GOLGA3: variants seen among roughly 807,000 people sequenced by gnomAD.
The protein encoded by GOLGA3 is golgin A3, also known as golgin subfamily A member 3.
In GOLGA3, 75 loss-of-function variants were observed where a neutral mutation model predicts 169.4. That is an observed-to-expected ratio of 0.44 (90% CI 0.37 to 0.54). The LOEUF (loss-of-function observed/expected upper bound fraction) is 0.54, where lower values mean the gene tolerates loss of function less well. Among genes scored for constraint, GOLGA3 ranks in the 20% least tolerant of loss-of-function variants. The probability of loss-of-function intolerance (pLI) is 0.00; values close to 1 mark genes in which losing one functional copy is unlikely to be tolerated. For missense variants in GOLGA3, 1,899 were observed against 1,930.0 expected, an observed-to-expected ratio of 0.98 and a Z score of 0.30; for synonymous variants, 824 against 822.4, an observed-to-expected ratio of 1.00 and a Z score of -0.03.
At chr12:132,787,694 TCCCCGGAGACCCC>T (rs2045983324) in intron 13 of GOLGA3, among the ~76,000 whole-genome samples, 2 of 28,452 alleles carry the variant, frequency 7.0e-5, no homozygotes, top group African/African-American at 1.8e-4. Flanking sequence ...CCGGGACCCC[TCCCCGGAGACCCC>T]GGGACCCCTC....
Position 132,807,245 on chromosome 12 carries a change from G to A in GOLGA3, c.1222C>T (p.Leu408=). ...SSAAETQEEM[L]QVLKEKMRLE... ...CGCATTTTCTCTTTGAGCACCTGCA[G>A]CATCTCCTCCTGTGTTTCTGCTGCA... is the stretch of plus-strand genomic sequence containing the variant. Residue 408 remains leucine, a synonymous_variant, in exon 6 of 24, where the codon CTG becomes TTG. Transcript: ENST00000450791. 6.3e-7 allele frequency: 1 copy of A among 1,599,376 alleles called. No homozygotes were observed.
In GOLGA3 at chr12:132,784,226, T is replaced by C; in HGVS notation, c.3205A>G (p.Ile1069Val). ...TLLEKELQEVIALTSQELEES... is the reference protein window; with the variant it reads ...TLLEKELQEVVALTSQELEES... ...TCCAGCTCCTGGCTGGTCAGCGCTA[T>C]GACCTCCTGCAGTTCCTTTTCCAGC... Residue 1069 changes from isoleucine (I) to valine (V), a missense_variant, in exon 16 of 24, where the codon ATA becomes GTA. Coordinates refer to ENST00000450791, the MANE Select transcript of GOLGA3 (RefSeq NM_001389683.1). 1 of 1,611,234 alleles carries C rather than the reference T, an allele frequency of 6.2e-7. No homozygotes were observed. The highest frequency in any genetic ancestry group is 8.5e-7 in the Non-Finnish European group (1 of 1,180,000).
chr12:132,780,022 C>T (rs1224759860), intron 18 of GOLGA3, among the ~76,000 whole-genome samples: 1 of 147,006 alleles, frequency 6.8e-6, no homozygotes, highest in Non-Finnish European at 1.5e-5. Context: ...CGCACACACA[C>T]CACAGCCCTT....
At chr12:132,825,900 C>T in intron 1 of GOLGA3, 1 of 964,064 alleles carries the variant, frequency 1.0e-6, no homozygotes, top group Non-Finnish European at 1.7e-6. Flanking sequence ...GGTGATGTCT[C>T]CATTCGAGGG....
chr12:132,816,777 T>C lies in GOLGA3; in HGVS notation c.169A>G (p.Ser57Gly), dbSNP rs374248922. 1.4e-4 allele frequency: 228 copies of C among 1,607,558 alleles called. No individual in the cohort carries two copies. Among genetic ancestry groups the C allele is most frequent in the Non-Finnish European group, 1.8e-4 (209 of 1,174,822 alleles). The change falls in exon 3 of 24, where the codon AGC (serine) becomes GGC (glycine). Residue 57 changes from serine (S) to glycine (G), a missense_variant. Ser to Gly is a moderately conservative substitution (Grantham distance 56, BLOSUM62 0). Coordinates refer to ENST00000450791, the MANE Select transcript of GOLGA3 (RefSeq NM_001389683.1). ...EVNRASTEGESPDGPGQGGLC... is the reference protein window; with the variant it reads ...EVNRASTEGEGPDGPGQGGLC... ...CCTCCCTGGCCAGGTCCATCCGGGCTTTCCCCTTCCGTGGATGCTCTGTTT... is the reference window on the plus strand; with the variant it reads ...CCTCCCTGGCCAGGTCCATCCGGGCCTTCCCCTTCCGTGGATGCTCTGTTT...
At chr12:132,806,229 C>T (rs1482228717) in intron 6 of GOLGA3, among the ~76,000 whole-genome samples, 2 of 152,162 alleles carry the variant, frequency 1.3e-5, no homozygotes, top group East Asian at 1.9e-4. Context: ...TGGATGCAAC[C>T]GAAGGACCAA....
intron 11 of GOLGA3, among the ~76,000 whole-genome samples, chr12:132,792,690 C>A: frequency 6.8e-6 from 1 of 147,022 alleles, no homozygotes; most frequent in Non-Finnish European, 1.5e-5. Context: ...ACCCACCACA[C>A]GGGATCTGCA....
intron 7 of GOLGA3, among the ~76,000 whole-genome samples, chr12:132,802,747 CTG>C (rs1360152962): frequency 1.3e-5 from 2 of 152,200 alleles, no homozygotes; most frequent in Non-Finnish European, 2.9e-5. Context: ...CACATCCTCT[CTG>C]TGTTTAAAAA....
At position 132,774,309 on chromosome 12, in the gene GOLGA3, C is replaced by T. The variant is rs779445245; in HGVS notation, c.4155G>A (p.Pro1385=). The part of the protein sequence containing the change: ...RRGAAKTRKE[P]KGEASSSNPA... ...GGTTGGAAGAGCTGGCCTCGCCTTT[C>T]GGCTCCTTTCTCTGTTTTTAAAAGC... The change falls in exon 23 of 24, where the codon CCG becomes CCA. Residue 1385 remains proline (P), a synonymous_variant. Transcript: ENST00000450791. 30 of 1,611,832 alleles carry T rather than the reference C, an allele frequency of 1.9e-5. No homozygotes were observed. The highest frequency in any genetic ancestry group is 1.6e-4 in the Middle Eastern group (1 of 6,082).
In GOLGA3 at chr12:132,816,618, T is replaced by C. The variant is rs1949970748; in HGVS notation, c.328A>G (p.Thr110Ala). 6.2e-7 allele frequency: 1 copy of C among 1,614,034 alleles called. No homozygotes were observed. The highest frequency in any genetic ancestry group is 2.2e-5 in the East Asian group (1 of 44,884). Residue 110 changes from threonine (T) to alanine (A), a missense_variant, in exon 3 of 24, where the codon ACT (threonine) becomes GCT (alanine). Physicochemically the swap from Thr to Ala is moderately conservative, Grantham distance 58 (BLOSUM62 0). Coordinates refer to ENST00000450791, the MANE Select transcript of GOLGA3 (RefSeq NM_001389683.1). ...TTTCTAACACTGCCCTCAGCACTAG[T>C]TCCCTGAGACTTCCTTAGGTTGTCA... ...FHDNLRKSQG[T>A]SAEGSVRKEA...
At chr12:132,827,216 C>T (rs564893264) in intron 1 of GOLGA3, among the ~76,000 whole-genome samples, 1 of 152,192 alleles carries the variant, frequency 6.6e-6, no homozygotes, top group Non-Finnish European at 1.5e-5. Flanking sequence ...AAACCAAACA[C>T]GATTTCCTCA....
rs2044882462 is a variant in GOLGA3 at position 132,771,189 on chromosome 12, G to A, written c.*1916C>T. The A allele has an allele frequency of 6.6e-6, 1 of 152,580 alleles. No homozygotes were observed. The highest frequency in any genetic ancestry group is 2.4e-5 in the African/African-American group (1 of 41,422). 9.5% of individuals were successfully genotyped at this position (152,580 alleles called of 1,614,324 possible). A position where few individuals can be genotyped will look rare whatever the true frequency, so the allele number is the denominator to read the frequency against. On this transcript the variant is annotated 3_prime_UTR_variant, in exon 24 of 24. Transcript: ENST00000450791. The stretch of plus-strand genomic sequence containing the variant: ...TTTTTAAATACCAAACATCTTTGTG[G>A]TTAATGCTACCTTAACCTTACCAAT...
chr12:132,780,957 T>C (rs781008205), intron 17 of GOLGA3, 43 bp from the exon 18 acceptor site: 1 of 1,438,940 alleles, frequency 6.9e-7, no homozygotes, highest in Non-Finnish European at 9.7e-7. Flanking sequence ...GGACGTCGAA[T>C]TACAAACACA....
At chr12:132,814,659 C>T (rs150349398) in intron 3 of GOLGA3, among the ~76,000 whole-genome samples, 3 of 152,314 alleles carry the variant, frequency 2.0e-5, no homozygotes, top group East Asian at 1.9e-4. Flanking sequence ...TGAAGCCTGG[C>T]GCCAGGCCTC....
At chr12:132,805,987 G>C (rs1227204449) in intron 6 of GOLGA3, among the ~76,000 whole-genome samples, 13 of 152,214 alleles carry the variant, frequency 8.5e-5, no homozygotes, top group African/African-American at 3.1e-4. Context: ...ACACAGCACA[G>C]TCCTGAGTGG....
chr12:132,773,350 C>G, intron 23 of GOLGA3, 56 bp from the exon 24 acceptor site: 1 of 1,152,984 alleles, frequency 8.7e-7, no homozygotes. Context: ...AGGCAGAACG[C>G]GCCACCTGTG....
intron 18 of GOLGA3, among the ~76,000 whole-genome samples, chr12:132,780,314 G>A (rs909660833): frequency 1.3e-5 from 2 of 152,194 alleles, no homozygotes; most frequent in Non-Finnish European, 2.9e-5. Flanking sequence ...CGTTCTAACA[G>A]AGGAGCAGGG....
chr12:132,803,651 G>A (rs1949240811), intron 7 of GOLGA3, among the ~76,000 whole-genome samples: 2 of 150,992 alleles, frequency 1.3e-5, no homozygotes, highest in South Asian at 4.2e-4. Context: ...GATTACAAGA[G>A]TACTACTGTC....
At chr12:132,824,726 C>T (rs1950341908) in intron 1 of GOLGA3, among the ~76,000 whole-genome samples, 1 of 152,186 alleles carries the variant, frequency 6.6e-6, no homozygotes, top group South Asian at 2.1e-4. Flanking sequence ...CCTGGATTTT[C>T]CGGGTGGGTG....
Sources: allele counts gnomAD v4.1 joint callset (sites outside exome capture counted in the v4.1 genomes callset), GRCh38; gene constraint gnomAD v4.1.1; transcripts MANE v1.5; gene names NCBI Gene and HGNC (gene_info 2026-07-23, HGNC 2026-07-21).